CDH2: variants seen among roughly 807,000 people sequenced by gnomAD.
CDH2 encodes the protein cadherin 2, also known as cadherin-2.
A neutral mutation model predicts 92.0 loss-of-function variants in CDH2; 17 were observed. That is an observed-to-expected ratio of 0.18 (90% confidence interval 0.13 to 0.28). The LOEUF (loss-of-function observed/expected upper bound fraction) is 0.28, where lower values mean the gene tolerates loss of function less well. Ranked by LOEUF, CDH2 falls within the 10% of genes least tolerant of loss-of-function variation. The pLI is 1.00. For missense variants in CDH2, 862 were observed against 1,133.1 expected (o/e 0.76, Z 3.44); for synonymous variants, 419 against 415.9 (o/e 1.01, Z -0.09).
chr18:28,074,300 A>T (rs867517562), intron 2 of CDH2, among the ~76,000 whole-genome samples: 9 of 152,332 alleles, frequency 5.9e-5, no homozygotes, highest in Non-Finnish European at 1.5e-5. Context: ...ACATGCATAC[A>T]TGAGAATGCT....
chr18:27,968,014 A>T (rs1273038761), intron 14 of CDH2, among the ~76,000 whole-genome samples: 2 of 152,324 alleles, frequency 1.3e-5, no homozygotes, highest in East Asian at 3.9e-4. Context: ...AGTAATGCAA[A>T]CACTCACTCA....
At chr18:28,161,608 C>CTA (rs1282228460) in intron 1 of CDH2, among the ~76,000 whole-genome samples, 1 of 146,146 alleles carries the variant, frequency 6.8e-6, no homozygotes, top group Non-Finnish European at 1.5e-5. Context: ...AAAAGCAAAG[C>CTA]TATAGATCTT....
downstream of CDH2, among the ~76,000 whole-genome samples, chr18:27,950,142 CAAG>C (rs1043945244): frequency 2.5e-4 from 38 of 152,044 alleles, no homozygotes; most frequent in African/African-American, 8.2e-4. Context: ...AGAAAAGTAA[CAAG>C]AAAGTATTGC....
intron 6 of CDH2, among the ~76,000 whole-genome samples, chr18:27,937,350 A>G (rs1037154363): frequency 6.6e-6 from 1 of 152,160 alleles, no homozygotes; most frequent in Non-Finnish European, 1.5e-5. Context: ...GTAATTTACT[A>G]TGTGATTTTA....
At chr18:28,124,861 T>C (rs1376601672) in intron 2 of CDH2, among the ~76,000 whole-genome samples, 2 of 152,176 alleles carry the variant, frequency 1.3e-5, no homozygotes, top group Non-Finnish European at 2.9e-5. Context: ...AGTTTCAAGA[T>C]ATGGAGTACA....
chr18:28,154,374 T>G (rs1191112051), intron 1 of CDH2, among the ~76,000 whole-genome samples: 1 of 152,242 alleles, frequency 6.6e-6, no homozygotes, highest in Non-Finnish European at 1.5e-5. Flanking sequence ...TCAGAGGATC[T>G]GAACTCATTT....
chr18:28,145,640 C>T (rs1401539048), intron 2 of CDH2, among the ~76,000 whole-genome samples: 1 of 152,080 alleles, frequency 6.6e-6, no homozygotes, highest in Non-Finnish European at 1.5e-5. Flanking sequence ...CTGGAGATAA[C>T]ATGCTTGTGT....
At chr18:28,058,727 C>T (rs1346585552) in intron 2 of CDH2, among the ~76,000 whole-genome samples, 1 of 152,090 alleles carries the variant, frequency 6.6e-6, no homozygotes, top group Non-Finnish European at 1.5e-5. Context: ...AGCAACATCC[C>T]TAATCCGACT....
intron 2 of CDH2, among the ~76,000 whole-genome samples, chr18:28,086,412 GT>G (rs2014928528): frequency 1.3e-5 from 2 of 151,928 alleles, no homozygotes; most frequent in Non-Finnish European, 2.9e-5. Flanking sequence ...AGCCTTCATT[GT>G]TTTTAAGTAA....
Position 27,952,085 on chromosome 18 carries a change from T to C in CDH2, c.*68A>G. 2 of 1,358,412 alleles carry C rather than the reference T, an allele frequency of 1.5e-6. No individual in the cohort carries two copies. The highest frequency in any genetic ancestry group is 1.1e-6 in the Non-Finnish European group (1 of 949,382). The allele number at this position is 1,358,412 out of a possible 1,614,324, so 84.1% of individuals were successfully genotyped here. A position where few individuals can be genotyped will look rare whatever the true frequency, so the allele number is the denominator to read the frequency against. On this transcript the variant is annotated 3_prime_UTR_variant, in exon 16 of 16. Coordinates refer to ENST00000269141, the MANE Select transcript of CDH2 (RefSeq NM_001792.5). ...GACTACAAAGTTAAAGCCTAGCTTC[T>C]GAATGCTTTTTGGGAATATCAGTTG...
At chr18:28,051,159 A>G (rs914057786) in intron 2 of CDH2, among the ~76,000 whole-genome samples, 1 of 152,290 alleles carries the variant, frequency 6.6e-6, no homozygotes, top group East Asian at 1.9e-4. Context: ...CCTTCCAGGT[A>G]TTATATTATT....
At chr18:27,993,383 A>ATGGC in intron 8 of CDH2, 117 bp downstream of exon 8, 1 of 962,018 alleles carries the variant, frequency 1.0e-6, no homozygotes, top group Non-Finnish European at 1.6e-6. Flanking sequence ...GTTAGCAGCC[A>ATGGC]TGCTACTATT....
intron 2 of CDH2, among the ~76,000 whole-genome samples, chr18:28,073,404 T>C (rs889121815): frequency 6.6e-6 from 1 of 152,104 alleles, no homozygotes; most frequent in African/African-American, 2.4e-5. Flanking sequence ...AATATAAAGA[T>C]AGGATCTCTT....
At chr18:27,948,646 C>G (rs528636542), downstream of CDH2, among the ~76,000 whole-genome samples, 2 of 151,854 alleles carry the variant, frequency 1.3e-5, no homozygotes, top group South Asian at 4.1e-4. Context: ...CAAAGAAACA[C>G]AAATGGCTAA....
chr18:28,079,169 T>C (rs2014781125), intron 2 of CDH2, among the ~76,000 whole-genome samples: 1 of 152,220 alleles, frequency 6.6e-6, no homozygotes, highest in African/African-American at 2.4e-5. Context: ...TTTCTCAAGA[T>C]AAAGCTGTGG....
intron 15 of CDH2, chr18:27,954,627 A>G (rs1909621957): frequency 6.6e-6 from 1 of 152,206 alleles, no homozygotes; most frequent in African/African-American, 2.4e-5. Flanking sequence ...TTACAACTTA[A>G]GTAAGAAGTA....
intron 5 of CDH2, among the ~76,000 whole-genome samples, chr18:28,007,165 A>AAAAAAAAAAAAT: frequency 9.0e-6 from 1 of 110,502 alleles, no homozygotes. Flanking sequence ...ATAAAAAAAA[A>AAAAAAAAAAAAT]ATATATATAT....
At chr18:28,001,516 T>C (rs1294270094) in intron 7 of CDH2, among the ~76,000 whole-genome samples, 1 of 152,192 alleles carries the variant, frequency 6.6e-6, no homozygotes, top group African/African-American at 2.4e-5. Flanking sequence ...CTCTAATAAA[T>C]TATGGCATTC....
At chr18:27,950,946 G>GAA (rs1909408174), downstream of CDH2, 3 of 152,622 alleles carry the variant, frequency 2.0e-5, no homozygotes, top group South Asian at 6.2e-4. Context: ...AAGTAGAAAA[G>GAA]AAAAAGTTCA....
Sources: gnomAD v4.1 joint callset for allele counts (sites outside exome capture counted in the v4.1 genomes callset) on GRCh38, gnomAD v4.1.1 for gene constraint, MANE v1.5 for transcripts, NCBI Gene and HGNC (gene_info 2026-07-23, HGNC 2026-07-21) for gene names.